The following RASEF variants were observed in gnomAD, a reference collection of about 807,000 sequenced individuals.
RASEF encodes RAS and EF-hand domain containing.
A neutral mutation model predicts 90.1 loss-of-function variants in RASEF; 68 were observed. The observed-to-expected ratio is 0.75, with a 90% CI of 0.62 to 0.92. The LOEUF (loss-of-function observed/expected upper bound fraction) is 0.92. Among genes scored for constraint, RASEF ranks in the 40% least tolerant of loss-of-function variants. The pLI is 0.00. For synonymous variants in RASEF, 331 were observed against 345.2 expected (o/e 0.96, Z 0.46); for missense variants, 949 against 937.2 (o/e 1.01, Z -0.16).
the RASEF span, among the ~76,000 whole-genome samples, chr9:83,123,325 T>A: frequency 2.6e-5 from 4 of 150,946 alleles, no homozygotes; most frequent in East Asian, 7.9e-4. Context: ...TAAGCTGTCC[T>A]AAAGACTCCC....
chr9:83,052,818 G>A (rs991856305), intron 1 of RASEF, among the ~76,000 whole-genome samples: 3 of 136,494 alleles, frequency 2.2e-5, no homozygotes, highest in Non-Finnish European at 3.1e-5. Context: ...AGTCATTCAG[G>A]AGCAGGTTGT....
chr9:83,007,527 T>C, intron 6 of RASEF, 22 bp from the exon 7 acceptor site: 4 of 1,582,730 alleles, frequency 2.5e-6, no homozygotes, highest in Non-Finnish European at 3.5e-6. Context: ...TATTTTATGT[T>C]TGAGTGAGAA....
chr9:83,147,030 A>G, the RASEF span, among the ~76,000 whole-genome samples: 57 of 119,374 alleles, frequency 4.8e-4, no homozygotes, highest in South Asian at 2.5e-3. Context: ...GTGTGTGTGT[A>G]TATATATATG....
the RASEF span, among the ~76,000 whole-genome samples, chr9:83,203,664 GGTGGTAC>G: frequency 6.6e-6 from 1 of 152,180 alleles, no homozygotes; most frequent in Non-Finnish European, 1.5e-5. Context: ...CTGTTCTGAA[GGTGGTAC>G]GGTGGGGGTC....
At chr9:83,047,890 G>C (rs1188566987) in intron 1 of RASEF, among the ~76,000 whole-genome samples, 2 of 152,160 alleles carry the variant, frequency 1.3e-5, no homozygotes, top group Non-Finnish European at 2.9e-5. Context: ...GAATTAACCA[G>C]GGCACATTCA....
intron 16 of RASEF, among the ~76,000 whole-genome samples, chr9:82,984,035 A>C (rs1425153338): frequency 6.6e-6 from 1 of 152,210 alleles, no homozygotes; most frequent in Non-Finnish European, 1.5e-5. Context: ...AAGTTTTGGG[A>C]TGGTTTATGA....
At chr9:83,112,104 A>G in the RASEF span, among the ~76,000 whole-genome samples, 1 of 152,024 alleles carries the variant, frequency 6.6e-6, no homozygotes, top group Non-Finnish European at 1.5e-5. Context: ...ATATATAATT[A>G]AATCTATCAA....
At chr9:83,102,853 G>C in the RASEF span, among the ~76,000 whole-genome samples, 559 of 152,264 alleles carry the variant, frequency 3.7e-3, 6 homozygotes, top group African/African-American at 0.013. Flanking sequence ...GAGGTAGTTG[G>C]GGGGTACAAG....
rs142399603 is a variant in RASEF, at chr9:82,996,979, G to A, written c.1920+33C>T. 129 of 1,272,694 alleles carry A rather than the reference G, an allele frequency of 1.0e-4. No homozygotes were observed. In the African/African-American group the frequency reaches 1.6e-3, roughly 16 times the overall value. 78.8% of individuals were successfully genotyped at this position (1,272,694 alleles called of 1,614,324 possible). A position where few individuals can be genotyped will look rare whatever the true frequency, so the allele number is the denominator to read the frequency against. ...CCAAGATGGCCTAAAACTTCCTCGT[G>A]TAATTTTCTGTTTCTCCATTATGAT... On this transcript the variant is annotated intron_variant, in intron 14 of 16. Coordinates refer to ENST00000376447, the MANE Select transcript of RASEF (RefSeq NM_152573.4).
At chr9:83,203,329 G>A in the RASEF span, among the ~76,000 whole-genome samples, 1 of 151,036 alleles carries the variant, frequency 6.6e-6, no homozygotes, top group Admixed American at 6.6e-5. Context: ...GGGCTGCAGT[G>A]CAGTGGCGCC....
chr9:83,077,546 T>G, the RASEF span, among the ~76,000 whole-genome samples: 1 of 151,890 alleles, frequency 6.6e-6, no homozygotes, highest in Admixed American at 6.6e-5. Context: ...TTTGAAGACA[T>G]TTGATATAAT....
the RASEF span, among the ~76,000 whole-genome samples, chr9:83,108,015 A>T: frequency 6.6e-6 from 1 of 152,190 alleles, no homozygotes; most frequent in Non-Finnish European, 1.5e-5. Flanking sequence ...AATCAAGTTC[A>T]AGGAAAGGCA....
the RASEF span, among the ~76,000 whole-genome samples, chr9:83,087,283 T>C: frequency 6.6e-6 from 1 of 152,152 alleles, no homozygotes; most frequent in African/African-American, 2.4e-5. Flanking sequence ...GTATTTGGAG[T>C]TGGAGCCTCT....
the RASEF span, among the ~76,000 whole-genome samples, chr9:83,201,554 A>C: frequency 0.18 from 26,728 of 152,162 alleles, 2,525 homozygotes; most frequent in Admixed American, 0.24. Flanking sequence ...TTTGGAGTGA[A>C]ACATGTATTA....
chr9:83,180,203 A>T, the RASEF span, among the ~76,000 whole-genome samples: 1 of 152,272 alleles, frequency 6.6e-6, no homozygotes, highest in East Asian at 1.9e-4. Flanking sequence ...GAGAGGAAAT[A>T]ATTCTGTTTT....
chr9:83,049,353 T>C (rs543838688), intron 1 of RASEF: 1 of 985,032 alleles, frequency 1.0e-6, no homozygotes, highest in African/African-American at 1.7e-5. Context: ...ATCTCCACAG[T>C]CAATGTCCGT....
At chr9:83,029,818 CTT>C (rs1829614030) in intron 1 of RASEF, among the ~76,000 whole-genome samples, 1 of 152,114 alleles carries the variant, frequency 6.6e-6, no homozygotes, top group South Asian at 2.1e-4. Flanking sequence ...TAGTAAGTCT[CTT>C]TATTTGGTGG....
At chr9:83,093,610 C>T in the RASEF span, among the ~76,000 whole-genome samples, 25 of 152,318 alleles carry the variant, frequency 1.6e-4, no homozygotes, top group Admixed American at 2.6e-4. Context: ...GTGTGGGGCC[C>T]GCCAAGCCCA....
At chr9:83,206,667 G>T in the RASEF span, among the ~76,000 whole-genome samples, 2 of 152,218 alleles carry the variant, frequency 1.3e-5, no homozygotes, top group Non-Finnish European at 2.9e-5. Flanking sequence ...GAAGCCTAGA[G>T]GTCTTAATAA....
Sources: gnomAD v4.1 joint callset for allele counts (sites outside exome capture counted in the v4.1 genomes callset) on GRCh38, gnomAD v4.1.1 for gene constraint, MANE v1.5 for transcripts, NCBI Gene and HGNC (gene_info 2026-07-23, HGNC 2026-07-21) for gene names.